Variants in KCND2 observed in about 807,000 individuals in gnomAD.
KCND2 encodes the protein potassium voltage-gated channel subfamily D member 2, also known as A-type voltage-gated potassium channel KCND2.
Under a neutral mutation model 54.4 loss-of-function variants are expected in KCND2, and 16 were observed. The observed-to-expected ratio is 0.29, with a 90% CI of 0.20 to 0.45. The LOEUF (loss-of-function observed/expected upper bound fraction) is 0.45, where lower values mean the gene tolerates loss of function less well. Among genes scored for constraint, KCND2 ranks in the 20% least tolerant of loss-of-function variants. The pLI is 1.00. For synonymous variants in KCND2, 317 were observed against 310.7 expected, an observed-to-expected ratio of 1.02 and a Z score of -0.21; for missense variants, 486 against 824.2, an observed-to-expected ratio of 0.59 and a Z score of 5.02.
intron 1 of KCND2, among the ~76,000 whole-genome samples, chr7:120,524,844 AT>A (rs1324199353): frequency 6.6e-6 from 1 of 152,192 alleles, no homozygotes; most frequent in Admixed American, 6.5e-5. Flanking sequence ...TCAAAGGAAA[AT>A]TAATAAAATC....
At chr7:120,584,429 T>C (rs1792564656) in intron 1 of KCND2, among the ~76,000 whole-genome samples, 1 of 152,234 alleles carries the variant, frequency 6.6e-6, no homozygotes, top group Non-Finnish European at 1.5e-5. Context: ...TTTTCCAAAC[T>C]GACTGTCTTC....
intron 1 of KCND2, among the ~76,000 whole-genome samples, chr7:120,689,473 A>G (rs568791933): frequency 2.6e-5 from 4 of 152,312 alleles, no homozygotes; most frequent in Admixed American, 6.5e-5. Flanking sequence ...TATAAAGACT[A>G]TGTTTATAAA....
At chr7:120,323,467 G>A (rs1289394633) in intron 1 of KCND2, among the ~76,000 whole-genome samples, 1 of 138,628 alleles carries the variant, frequency 7.2e-6, no homozygotes, top group African/African-American at 2.7e-5. Context: ...CCCCACAACA[G>A]TCCCCAGAGT....
chr7:120,335,090 C>T (rs971688923), intron 1 of KCND2, among the ~76,000 whole-genome samples: 7 of 152,136 alleles, frequency 4.6e-5, no homozygotes, highest in Admixed American at 1.3e-4. Context: ...CCTGGCTGGG[C>T]GTGATGGCTC....
intron 1 of KCND2, among the ~76,000 whole-genome samples, chr7:120,403,952 G>GAGACTAATGTGAAGAA (rs1801311214): frequency 6.6e-6 from 1 of 151,810 alleles, no homozygotes; most frequent in African/African-American, 2.4e-5. Flanking sequence ...ATCATTTTCA[G>GAGACTAATGTGAAGAA]AATTTTTATT....
chr7:120,426,781 C>G (rs1445494353), intron 1 of KCND2, among the ~76,000 whole-genome samples: 1 of 151,908 alleles, frequency 6.6e-6, no homozygotes, highest in East Asian at 1.9e-4. Context: ...GCCACCATGC[C>G]CGGCTAATTT....
chr7:120,348,334 A>G (rs74488107), intron 1 of KCND2, among the ~76,000 whole-genome samples: 107 of 152,262 alleles, frequency 7.0e-4, no homozygotes, highest in African/African-American at 2.6e-3. Flanking sequence ...GTTGACTTGA[A>G]GCCCTTTCAT....
intron 1 of KCND2, among the ~76,000 whole-genome samples, chr7:120,428,140 A>G (rs1303538018): frequency 6.6e-6 from 1 of 152,226 alleles, no homozygotes; most frequent in Non-Finnish European, 1.5e-5. Flanking sequence ...GATGGAATAA[A>G]TATAAGACAT....
At chr7:120,380,125 C>A (rs568309277) in intron 1 of KCND2, among the ~76,000 whole-genome samples, 1 of 151,996 alleles carries the variant, frequency 6.6e-6, no homozygotes, top group East Asian at 1.9e-4. Context: ...AAATCTAGTT[C>A]AATATTAGAT....
chr7:120,670,649 G>A (rs1791979645), intron 1 of KCND2, among the ~76,000 whole-genome samples: 1 of 152,044 alleles, frequency 6.6e-6, no homozygotes, highest in Admixed American at 6.5e-5. Context: ...GGGCGCGGTG[G>A]CTCATGTCTG....
chr7:120,390,307 A>G (rs1294191711), intron 1 of KCND2, among the ~76,000 whole-genome samples: 2 of 151,984 alleles, frequency 1.3e-5, no homozygotes, highest in African/African-American at 2.4e-5. Flanking sequence ...CAAAAATAAT[A>G]TATTCTTTGT....
chr7:120,282,104 A>G (rs1799274041), intron 1 of KCND2, among the ~76,000 whole-genome samples: 1 of 152,126 alleles, frequency 6.6e-6, no homozygotes. Context: ...GCCTTTGGGA[A>G]GCATATGGAG....
intron 1 of KCND2, among the ~76,000 whole-genome samples, chr7:120,669,502 A>G (rs1404750025): frequency 6.6e-6 from 1 of 152,102 alleles, no homozygotes; most frequent in Non-Finnish European, 1.5e-5. Context: ...AAATATAGCT[A>G]TTTAACTACA....
chr7:120,518,958 T>C (rs1291684266), intron 1 of KCND2, among the ~76,000 whole-genome samples: 1 of 152,066 alleles, frequency 6.6e-6, no homozygotes, highest in Non-Finnish European at 1.5e-5. Flanking sequence ...AGAGAGAAAG[T>C]ATGTCAGATT....
chr7:120,373,487 G>C (rs1800792762), intron 1 of KCND2, among the ~76,000 whole-genome samples: 1 of 151,758 alleles, frequency 6.6e-6, no homozygotes, highest in Admixed American at 6.6e-5. Flanking sequence ...GCTTTAAATT[G>C]CTCCTCATTT....
chr7:120,339,503 CTG>C (rs10525061), intron 1 of KCND2, among the ~76,000 whole-genome samples: 7,781 of 149,734 alleles, frequency 0.052, 344 homozygotes, highest in African/African-American at 0.12. Flanking sequence ...CTTTAGAAGG[CTG>C]TGTGTGTGTG....
At chr7:120,460,558 CTTT>C (rs67237835) in intron 1 of KCND2, among the ~76,000 whole-genome samples, 1 of 130,258 alleles carries the variant, frequency 7.7e-6, no homozygotes, top group Non-Finnish European at 1.7e-5. Flanking sequence ...CCACCACGGC[CTTT>C]TTTTTTTTTT....
intron 1 of KCND2, among the ~76,000 whole-genome samples, chr7:120,623,309 G>A (rs972470460): frequency 2.6e-5 from 4 of 152,134 alleles, no homozygotes; most frequent in African/African-American, 9.7e-5. Context: ...GTTCAATCAT[G>A]TTTGGTTGTG....
intron 1 of KCND2, among the ~76,000 whole-genome samples, chr7:120,585,600 T>C (rs1792587839): frequency 6.6e-6 from 1 of 151,872 alleles, no homozygotes; most frequent in Non-Finnish European, 1.5e-5. Flanking sequence ...GATCACACAT[T>C]AGGTATCAAG....
Sources: allele counts gnomAD v4.1 joint callset (sites outside exome capture counted in the v4.1 genomes callset), GRCh38; gene constraint gnomAD v4.1.1; transcripts MANE v1.5; gene names NCBI Gene and HGNC (gene_info 2026-07-23, HGNC 2026-07-21).